The following GTF2I variants were observed in gnomAD, a reference collection of about 807,000 sequenced individuals.
The protein encoded by GTF2I is general transcription factor IIi.
In GTF2I, 12 loss-of-function variants were observed where a neutral mutation model predicts 67.6. The ratio of observed to expected loss-of-function variants is 0.18; its 90% CI spans 0.11 to 0.29. The LOEUF is 0.29. Ranked by LOEUF, GTF2I falls within the 10% of genes least tolerant of loss-of-function variation. GTF2I has a pLI of 1.00. For missense variants in GTF2I, 271 were observed against 580.1 expected (o/e 0.47, Z 5.47); for synonymous variants, 149 against 197.0 (o/e 0.76, Z 2.04).
At chr7:74,665,993 C>A (rs907740119) in intron 1 of GTF2I, among the ~76,000 whole-genome samples, 1 of 152,174 alleles carries the variant, frequency 6.6e-6, no homozygotes, top group Non-Finnish European at 1.5e-5. Context: ...GCGTGCGCCA[C>A]CATGCCCAGC....
At chr7:74,686,445 A>G (rs1411142525) in intron 1 of GTF2I, among the ~76,000 whole-genome samples, 2 of 152,242 alleles carry the variant, frequency 1.3e-5, no homozygotes, top group East Asian at 3.8e-4. Context: ...TGACTGTGAT[A>G]GTGGCAATAT....
chr7:74,663,890 C>T (rs587603725), intron 1 of GTF2I, among the ~76,000 whole-genome samples: 5 of 152,180 alleles, frequency 3.3e-5, no homozygotes, highest in East Asian at 3.9e-4. Flanking sequence ...AGTGCAGTGG[C>T]GTGATCTTGG....
chr7:74,698,474 C>T (rs1789268348), intron 3 of GTF2I, among the ~76,000 whole-genome samples: 1 of 144,720 alleles, frequency 6.9e-6, no homozygotes, highest in East Asian at 2.1e-4. Context: ...GGTATGTTCT[C>T]GGCCCCATCA....
intron 14 of GTF2I, among the ~76,000 whole-genome samples, chr7:74,731,693 C>T (rs1311094225): frequency 5.3e-5 from 8 of 150,218 alleles, no homozygotes; most frequent in Non-Finnish European, 7.4e-5. Context: ...TACAGGTGCC[C>T]GCCACCATGC....
intron 12 of GTF2I, among the ~76,000 whole-genome samples, chr7:74,728,331 A>C (rs1224545748): frequency 5.9e-5 from 9 of 151,708 alleles, no homozygotes; most frequent in East Asian, 1.9e-4. Context: ...AAAACAAAAA[A>C]AAACTATTTA....
intron 1 of GTF2I, among the ~76,000 whole-genome samples, chr7:74,665,735 C>T (rs587678889): frequency 7.2e-5 from 11 of 152,306 alleles, no homozygotes; most frequent in African/African-American, 1.9e-4. Flanking sequence ...CTAGTAATAT[C>T]GACTATGACG....
chr7:74,699,872 A>C (rs1403363547), intron 4 of GTF2I: 1 of 192,788 alleles, frequency 5.2e-6, no homozygotes, highest in Non-Finnish European at 1.1e-5. Flanking sequence ...ATATTAGCCA[A>C]AACATTCCTG....
At chr7:74,718,768 C>T in intron 11 of GTF2I, 111 bp from the exon 12 acceptor site, 1 of 565,282 alleles carries the variant, frequency 1.8e-6, no homozygotes, top group Non-Finnish European at 3.1e-6. Flanking sequence ...ATGAAAATGC[C>T]AGTGGATTTT....
intron 1 of GTF2I, among the ~76,000 whole-genome samples, chr7:74,673,239 A>C (rs1404453157): frequency 6.6e-6 from 1 of 152,218 alleles, no homozygotes; most frequent in Non-Finnish European, 1.5e-5. Flanking sequence ...AGGCACTATT[A>C]TGATCCCATT....
At chr7:74,679,906 C>T (rs1420540426) in intron 1 of GTF2I, among the ~76,000 whole-genome samples, 2 of 151,396 alleles carry the variant, frequency 1.3e-5, no homozygotes, top group African/African-American at 2.4e-5. Context: ...CGTGGTGAAA[C>T]CCCATTTTTA....
chr7:74,666,746 TCA>T lies in GTF2I; in HGVS notation c.-6+8680_-6+8681del, dbSNP rs1162569262. Among the ~76,000 whole-genome samples the T allele has an allele frequency of 4.7e-5, 7 of 147,706 alleles. No individual in the cohort carries two copies. The Admixed American group carries it at 4.8e-4, about 10-fold the overall frequency. On this transcript the variant is annotated intron_variant, in intron 1 of 34. Transcript: ENST00000573035. Reference sequence around the variant, plus strand: ...ACTTTGGGAGTCCAAGGCGGGTGGATCACGAGGTCAGGAGATCGAGACCATCA... The same window carrying T: ...ACTTTGGGAGTCCAAGGCGGGTGGATCGAGGTCAGGAGATCGAGACCATCA...
chr7:74,719,516 C>T (rs1406788984), intron 12 of GTF2I, among the ~76,000 whole-genome samples: 4 of 152,206 alleles, frequency 2.6e-5, no homozygotes, highest in Non-Finnish European at 5.9e-5. Context: ...TAAGCTTGAA[C>T]TCAGCTGAGC....
At chr7:74,725,261 G>A (rs1382578019) in intron 12 of GTF2I, among the ~76,000 whole-genome samples, 6 of 152,126 alleles carry the variant, frequency 3.9e-5, no homozygotes. Context: ...AAAAATTGAG[G>A]ATGTGGTGAA....
At chr7:74,685,721 C>T (rs1172894295) in intron 1 of GTF2I, among the ~76,000 whole-genome samples, 1 of 151,634 alleles carries the variant, frequency 6.6e-6, no homozygotes, top group Non-Finnish European at 1.5e-5. Flanking sequence ...GAACCCAGAA[C>T]GTGCCACTGC....
intron 8 of GTF2I, among the ~76,000 whole-genome samples, chr7:74,707,642 GT>G (rs1244813036): frequency 6.6e-6 from 1 of 152,096 alleles, no homozygotes; most frequent in Non-Finnish European, 1.5e-5. Context: ...TTTACAGAAG[GT>G]TTTTCTTTTT....
chr7:74,732,434 CA>C, intron 14 of GTF2I, 44 bp from the exon 15 acceptor site: 3 of 1,432,266 alleles, frequency 2.1e-6, no homozygotes, highest in African/African-American at 1.4e-5. Context: ...TTCTTTTCTA[CA>C]AATTGTGTTT....
At chr7:74,684,510 T>C (rs1011010324) in intron 1 of GTF2I, 1 of 152,306 alleles carries the variant, frequency 6.6e-6, no homozygotes, top group Non-Finnish European at 1.5e-5. Flanking sequence ...GGCAGTTTCT[T>C]TCTGGGAAGA....
intron 1 of GTF2I, among the ~76,000 whole-genome samples, chr7:74,679,948 G>A (rs1315178254): frequency 3.3e-5 from 5 of 150,714 alleles, no homozygotes; most frequent in African/African-American, 7.3e-5. Flanking sequence ...GGGTGGTGGC[G>A]GACACCTGTA....
intron 12 of GTF2I, among the ~76,000 whole-genome samples, chr7:74,725,468 C>A (rs1401085106): frequency 6.6e-6 from 1 of 152,006 alleles, no homozygotes; most frequent in African/African-American, 2.4e-5. Context: ...AGGAGGATCA[C>A]TTGAGGCCAG....
Sources: allele counts gnomAD v4.1 joint callset (sites outside exome capture counted in the v4.1 genomes callset), GRCh38; gene constraint gnomAD v4.1.1; transcripts MANE v1.5; gene names NCBI Gene and HGNC (gene_info 2026-07-23, HGNC 2026-07-21).